Variants in RARB observed in about 807,000 individuals in gnomAD.
The protein encoded by RARB is HBV-activated protein.
RARB carries 17 observed loss-of-function variants against 51.9 expected under a neutral mutation model. That is an observed-to-expected ratio of 0.33 (90% CI 0.22 to 0.49). The LOEUF (loss-of-function observed/expected upper bound fraction) is 0.49, where lower values mean the gene tolerates loss of function less well. Ranked by LOEUF, RARB falls within the 20% of genes least tolerant of loss-of-function variation. RARB has a pLI of 0.99. For synonymous variants in RARB, 215 were observed against 195.4 expected (o/e 1.10, Z -0.84); for missense variants, 369 against 550.8 (o/e 0.67, Z 3.30).
chr3:25,282,403 A>T (rs1703546063), intron 5 of RARB, among the ~76,000 whole-genome samples: 1 of 152,082 alleles, frequency 6.6e-6, no homozygotes. Flanking sequence ...TGCCTCTACT[A>T]CCCTATTTAA....
chr3:25,500,343 A>C (rs1697232737), intron 2 of RARB, among the ~76,000 whole-genome samples: 2 of 151,896 alleles, frequency 1.3e-5, no homozygotes, highest in African/African-American at 4.8e-5. Context: ...AATTTTTTTA[A>C]ATTGTATTTT....
chr3:25,109,821 C>A (rs1203943954), intron 3 of RARB, among the ~76,000 whole-genome samples: 1 of 152,150 alleles, frequency 6.6e-6, no homozygotes, highest in Admixed American at 6.5e-5. Context: ...ATTTTTCCAA[C>A]ACTCTCAGAA....
intron 5 of RARB, among the ~76,000 whole-genome samples, chr3:25,257,455 A>G (rs1274561310): frequency 6.6e-6 from 1 of 152,116 alleles, no homozygotes; most frequent in African/African-American, 2.4e-5. Context: ...TGATCTCTGG[A>G]AAAGTGATTA....
At chr3:24,937,920 T>C (rs917074952) in intron 2 of RARB, among the ~76,000 whole-genome samples, 10 of 152,212 alleles carry the variant, frequency 6.6e-5, no homozygotes, top group African/African-American at 1.7e-4. Flanking sequence ...CTGTGTTCTC[T>C]GAGCTAAATC....
intron 5 of RARB, among the ~76,000 whole-genome samples, chr3:25,304,339 T>C (rs534068226): frequency 4.9e-4 from 75 of 152,308 alleles, no homozygotes; most frequent in South Asian, 2.9e-3. Context: ...TTCCTTCTGC[T>C]TAGAATGCCC....
At chr3:25,129,815 A>G (rs1363526600) in intron 3 of RARB, among the ~76,000 whole-genome samples, 3 of 152,124 alleles carry the variant, frequency 2.0e-5, no homozygotes, top group Non-Finnish European at 4.4e-5. Flanking sequence ...TTATTTTGGT[A>G]TTAACTATAC....
intron 2 of RARB, among the ~76,000 whole-genome samples, chr3:25,028,792 G>C (rs1202438525): frequency 6.6e-6 from 1 of 152,160 alleles, no homozygotes; most frequent in African/African-American, 2.4e-5. Context: ...TAACTTTCTG[G>C]AAAAGCTATG....
intron 2 of RARB, among the ~76,000 whole-genome samples, chr3:24,909,111 T>C (rs1694935598): frequency 6.6e-6 from 1 of 152,202 alleles, no homozygotes; most frequent in African/African-American, 2.4e-5. Context: ...TATAATGGCC[T>C]TTTGGTGGAG....
exon 2 of RARB, chr3:24,858,687 A>C (rs888418411): frequency 6.6e-5 from 10 of 152,212 alleles, no homozygotes; most frequent in African/African-American, 2.4e-4. Flanking sequence ...CCTGAACATC[A>C]TCATAAAAAG....
chr3:25,359,070 T>C (rs934882243), intron 5 of RARB, among the ~76,000 whole-genome samples: 15 of 152,298 alleles, frequency 9.8e-5, no homozygotes, highest in Admixed American at 3.3e-4. Flanking sequence ...ACTTCCTCTT[T>C]GTACCTCTGG....
At chr3:25,026,390 C>A (rs1024423080) in intron 2 of RARB, among the ~76,000 whole-genome samples, 1 of 152,200 alleles carries the variant, frequency 6.6e-6, no homozygotes, top group African/African-American at 2.4e-5. Flanking sequence ...AGCCCAAGAT[C>A]AAGGTGTTGG....
intron 5 of RARB, among the ~76,000 whole-genome samples, chr3:25,257,854 G>C (rs547670066): frequency 6.6e-6 from 1 of 151,992 alleles, no homozygotes; most frequent in East Asian, 1.9e-4. Context: ...AATACCATCC[G>C]ACATTCTCAG....
At chr3:24,882,918 G>T (rs1300040327) in intron 2 of RARB, among the ~76,000 whole-genome samples, 1 of 152,180 alleles carries the variant, frequency 6.6e-6, no homozygotes, top group Admixed American at 6.5e-5. Flanking sequence ...TTCACTGGTG[G>T]TGGTGAGGGG....
Position 24,880,249 on chromosome 3 carries a change from A to G in RARB, c.-380+21497A>G, listed in dbSNP as rs139387733. On this transcript the variant is annotated intron_variant, in intron 2 of 11. Transcript: ENST00000383772. ...GAGCACATATGTATGGCTATCAGAC[A>G]TTTGGGGAATACCATCACATCAGAG... Among the ~76,000 whole-genome samples, 250 of 152,060 alleles carry G rather than the reference A, an allele frequency of 1.6e-3. 1 individual carries two copies. The highest frequency in any genetic ancestry group is 5.4e-3 in the African/African-American group (223 of 41,474).
chr3:25,452,939 G>T (rs1709258763), intron 1 of RARB, among the ~76,000 whole-genome samples: 1 of 152,178 alleles, frequency 6.6e-6, no homozygotes, highest in South Asian at 2.1e-4. Flanking sequence ...CACTGCCAAA[G>T]TTCTGTGAGA....
chr3:25,498,908 C>T (rs1575462355), intron 2 of RARB, among the ~76,000 whole-genome samples: 4 of 152,016 alleles, frequency 2.6e-5, no homozygotes, highest in Admixed American at 2.6e-4. Flanking sequence ...TTTAGATGAC[C>T]ACTCTGCACA....
intron 3 of RARB, among the ~76,000 whole-genome samples, chr3:25,562,226 A>G (rs1700299824): frequency 6.9e-6 from 1 of 145,558 alleles, no homozygotes; most frequent in Admixed American, 7.0e-5. Context: ...TATGGAAGAG[A>G]TACTAAGCCT....
At chr3:24,939,222 G>T (rs1162371478) in intron 2 of RARB, among the ~76,000 whole-genome samples, 4 of 152,104 alleles carry the variant, frequency 2.6e-5, no homozygotes, top group African/African-American at 9.7e-5. Context: ...GACCTCAAGT[G>T]ATCTGAATGG....
chr3:25,326,681 G>A (rs1419667234), intron 5 of RARB, among the ~76,000 whole-genome samples: 1 of 152,002 alleles, frequency 6.6e-6, no homozygotes, highest in African/African-American at 2.4e-5. Flanking sequence ...ACCTTTTGTT[G>A]TCAATCCCTG....
Sources: gnomAD v4.1 joint callset for allele counts (sites outside exome capture counted in the v4.1 genomes callset) on GRCh38, gnomAD v4.1.1 for gene constraint, MANE v1.5 for transcripts, NCBI Gene and HGNC (gene_info 2026-07-23, HGNC 2026-07-21) for gene names.